MYOM3: variants seen among roughly 807,000 people sequenced by gnomAD.
The protein encoded by MYOM3 is myomesin 3.
In MYOM3, 155 loss-of-function variants were observed where a neutral mutation model predicts 191.7. That is an observed-to-expected ratio of 0.81 (90% CI 0.71 to 0.92). MYOM3 has a LOEUF of 0.92. MYOM3 is among the 40% of genes least tolerant of loss of function. The pLI is 0.00. For missense variants in MYOM3, 1,889 were observed against 1,890.6 expected, an observed-to-expected ratio of 1.00 and a Z score of 0.02; for synonymous variants, 757 against 762.9, an observed-to-expected ratio of 0.99 and a Z score of 0.13.
At position 24,057,248 on chromosome 1, in the gene MYOM3, C is replaced by A; in HGVS notation, c.*116G>T. On this transcript the variant is annotated 3_prime_UTR_variant, in exon 37 of 37. Transcript: ENST00000374434. ...CCCACCCTCACATCCTGGGTTCTAT[C>A]TTGTCCCCTTTCCTTCTGCCCCACC... is the stretch of plus-strand genomic sequence containing the variant. 9.4e-7 allele frequency: 1 copy of A among 1,063,208 alleles called. No individual in the cohort carries two copies. The highest frequency in any genetic ancestry group is 2.5e-5 in the Admixed American group (1 of 39,802). The allele number at this position is 1,063,208 out of a possible 1,614,324, so 65.9% of individuals were successfully genotyped here.
At position 24,063,205 on chromosome 1, in the gene MYOM3, C is replaced by T. The variant is rs1643393308; in HGVS notation, c.3691G>A (p.Gly1231Arg). The T allele has an allele frequency of 1.2e-6, 2 of 1,613,844 alleles. No homozygotes were observed. Among genetic ancestry groups the T allele is most frequent in the Admixed American group, 1.7e-5 (1 of 59,980 alleles). The change falls in exon 32 of 37, where the codon GGG becomes AGG. Residue 1231 changes from glycine (G) to arginine (R), a missense_variant. Transcript: ENST00000374434. The surrounding 1 kb of genome is among the most constrained non-coding windows in gnomAD (Gnocchi z 4.5). The part of the protein sequence containing the change: ...ALSATPLKIQ[G>R]TEEGIRIFSK... ...AAGATCCGGATCCCTTCCTCGGTCC[C>T]CTGGATTTTCAGTGGAGTTGCAGAG...
chr1:24,058,927 A>G lies in MYOM3; in HGVS notation c.4047T>C (p.Asp1349=). The G allele has an allele frequency of 6.2e-7, 1 of 1,609,498 alleles. No homozygotes were observed. Among genetic ancestry groups the G allele is most frequent in the Non-Finnish European group, 8.5e-7 (1 of 1,177,848 alleles). ...GTGGGCTGGGAAGGGTCAGTACCTTATCTTCCATGATAGTGGCCACATCCG... is the reference window on the plus strand; with the variant it reads ...GTGGGCTGGGAAGGGTCAGTACCTTGTCTTCCATGATAGTGGCCACATCCG... ...GLPDVATIME[D]KTLCLTCIVS... Residue 1349 remains aspartate, a synonymous_variant, in exon 36 of 37, where the codon GAT becomes GAC. Transcript: ENST00000374434.
chr1:24,092,289 G>A lies in MYOM3; in HGVS notation c.1117C>T (p.Pro373Ser), dbSNP rs1386005011. The A allele has an allele frequency of 2.9e-6, 4 of 1,361,894 alleles. No individual in the cohort carries two copies. Among genetic ancestry groups the A allele is most frequent in the Admixed American group, 2.9e-5 (1 of 34,484 alleles). The allele number at this position is 1,361,894 out of a possible 1,614,324, so 84.4% of individuals were successfully genotyped here. Residue 373 changes from proline to serine, a missense_variant, in exon 11 of 37, where the codon CCA (proline) becomes TCA (serine). Pro to Ser is a moderately conservative substitution (Grantham distance 74, BLOSUM62 -1). Transcript: ENST00000374434. ...CATCGGACGTTCAGTGGGGAGCCTGGGGCCCCGGGGTTCTCGGCCTCGGCA... is the reference window on the plus strand; with the variant it reads ...CATCGGACGTTCAGTGGGGAGCCTGAGGCCCCGGGGTTCTCGGCCTCGGCA... ...RDAEAENPGA[P>S]GSPLNVRCLD...
Position 24,074,142 on chromosome 1 carries a change from G to C in MYOM3, c.2968+18C>G, listed in dbSNP as rs779193742. ...TCTCTCTCTGGGGAGGTGGCAGGGA[G>C]CGGGGTAGGTGCATTACCTTCCTCG... On this transcript the variant is annotated intron_variant, in intron 23 of 36. Transcript: ENST00000374434. The C allele has an allele frequency of 3.2e-6, 5 of 1,584,216 alleles. No homozygotes were observed. Among genetic ancestry groups the C allele is most frequent in the African/African-American group, 2.7e-5 (2 of 74,018 alleles).
In MYOM3 at chr1:24,064,171, G is replaced by C; in HGVS notation, c.3535-12C>G. The C allele has an allele frequency of 6.2e-7, 1 of 1,608,496 alleles. No individual in the cohort carries two copies. The highest frequency in any genetic ancestry group is 1.1e-5 in the South Asian group (1 of 90,884). On this transcript the variant is annotated splice_polypyrimidine_tract_variant and intron_variant, in intron 29 of 36. Transcript: ENST00000374434. ...TCCTTTTTGGACAACTGGAAAGAAG[G>C]ATGAGCGATGGTGGTGTCAGCATGG...
At position 24,074,556 on chromosome 1, in the gene MYOM3, C is replaced by T. The variant is rs1192673359; in HGVS notation, c.2859-287G>A. 2.6e-5 allele frequency among the ~76,000 whole-genome samples: 4 copies of T among 152,324 alleles called. No individual in the cohort carries two copies. The East Asian group carries it at 7.7e-4, about 29-fold the overall frequency. ...AGGCATAGGCTTTATGCCTTCTGGACAGAGCTGAGGCCGTGAGCCGCTGGG... is the reference window on the plus strand; with the variant it reads ...AGGCATAGGCTTTATGCCTTCTGGATAGAGCTGAGGCCGTGAGCCGCTGGG... On this transcript the variant is annotated intron_variant, in intron 22 of 36. Coordinates refer to ENST00000374434, the MANE Select transcript of MYOM3 (RefSeq NM_152372.4).
rs373823143 is a variant in MYOM3 at position 24,086,656 on chromosome 1, G to A, written c.1786C>T (p.Arg596Trp). ...PSEPSEPIAL[R>W]GPPATLPPPA... ...ATCAGGAGGGTACCTGGCGGGCCCC[G>A]CAAGGCGATGGGTTCGCTGGGCTCC... Residue 596 changes from arginine (R) to tryptophan (W), a missense_variant, in exon 15 of 37, where the codon CGG (arginine) becomes TGG (tryptophan). Coordinates refer to ENST00000374434, the MANE Select transcript of MYOM3 (RefSeq NM_152372.4). 81 of 1,613,648 alleles carry A rather than the reference G, an allele frequency of 5.0e-5. No homozygotes were observed. The African/African-American group carries it at 8.4e-4, about 17-fold the overall frequency.
rs1570871830 is a variant in MYOM3 at position 24,084,202 on chromosome 1, A to G, written c.1970+266T>C. The G allele has an allele frequency of 2.6e-5, 11 of 421,636 alleles. No homozygotes were observed. The South Asian group carries it at 2.7e-4, about 10-fold the overall frequency. 26.1% of individuals were successfully genotyped at this position (421,636 alleles called of 1,614,324 possible). On this transcript the variant is annotated intron_variant, in intron 16 of 36. Coordinates refer to ENST00000374434, the MANE Select transcript of MYOM3 (RefSeq NM_152372.4). Reference sequence around the variant, plus strand: ...TTGTCAAGATAGGGAGCAAGTTCTCATGAGATCTGCTTGTTTGGAAGTGTG... The same window carrying G: ...TTGTCAAGATAGGGAGCAAGTTCTCGTGAGATCTGCTTGTTTGGAAGTGTG...
intron 22 of MYOM3, 138 bp downstream of exon 22, chr1:24,075,181 C>T (rs1346954766): frequency 6.4e-6 from 5 of 782,256 alleles, no homozygotes; most frequent in Non-Finnish European, 1.0e-5. Context: ...AGTCAGCGTC[C>T]TCAGTGAAAG....
chr1:24,065,722 T>C, intron 29 of MYOM3, 169 bp downstream of exon 29: 2 of 676,414 alleles, frequency 3.0e-6, no homozygotes. Flanking sequence ...CATACAATAT[T>C]ATTTATCTTG....
chr1:24,061,281 CTG>C lies in MYOM3; in HGVS notation c.3961_3962del (p.Gln1321GlufsTer29). On this transcript the variant is annotated frameshift_variant, in exon 34 of 37. Coordinates refer to ENST00000374434, the MANE Select transcript of MYOM3 (RefSeq NM_152372.4). LOFTEE classifies it high-confidence loss of function. ...ATGTAGAGGAAACTTACTTCAGTCT[CTG>C]GTGTTCAGCCATTGCATCCTCAAAA... ...QAFEDAMAEH[Q>X]RLKTLAIIEK... is the part of the protein sequence containing the mutation. The C allele has an allele frequency of 6.2e-7, 1 of 1,614,138 alleles. No homozygotes were observed. The highest frequency in any genetic ancestry group is 8.5e-7 in the Non-Finnish European group (1 of 1,180,028).
intron 6 of MYOM3, among the ~76,000 whole-genome samples, 184 bp from the exon 7 acceptor site, chr1:24,098,195 G>A (rs574182745): frequency 2.0e-5 from 3 of 152,110 alleles, no homozygotes; most frequent in Non-Finnish European, 2.9e-5. Flanking sequence ...TCCATGCTTC[G>A]GTGTCCTCTG....
At chr1:24,075,551 C>T (rs893027190) in intron 21 of MYOM3, 76 bp from the exon 22 acceptor site, 6 of 1,418,072 alleles carry the variant, frequency 4.2e-6, no homozygotes, top group Admixed American at 2.5e-5. Context: ...CCTGCTTAAA[C>T]CTCCAGGGCC....
chr1:24,094,871 T>C lies in MYOM3; in HGVS notation c.910A>G (p.Ile304Val), dbSNP rs1342465587. ...TCCTTACCATCTCGGAACCACTGGA[T>C]GCTCTCAGCATCTAACACATCTTCC... ...FSEDVLDAES[I>V]QWFRDGSLLR... is the part of the protein sequence containing the mutation. Residue 304 changes from isoleucine to valine, a missense_variant, in exon 9 of 37, where the codon ATC (isoleucine) becomes GTC (valine). By Grantham distance (29) the Ile-to-Val change is conservative. Coordinates refer to ENST00000374434, the MANE Select transcript of MYOM3 (RefSeq NM_152372.4). The C allele has an allele frequency of 1.9e-6, 3 of 1,613,350 alleles. No homozygotes were observed. In the African/African-American group the frequency reaches 4.0e-5, roughly 22 times the overall value.
At chr1:24,061,529 T>G (rs571573395) in intron 33 of MYOM3, among the ~76,000 whole-genome samples, 1 of 152,216 alleles carries the variant, frequency 6.6e-6, no homozygotes, top group Non-Finnish European at 1.5e-5. Context: ...TAGCTAAAAA[T>G]TTTTTAAAAA....
At chr1:24,098,930 C>T (rs1643893012) in intron 6 of MYOM3, among the ~76,000 whole-genome samples, 1 of 152,142 alleles carries the variant, frequency 6.6e-6, no homozygotes, top group South Asian at 2.1e-4. Flanking sequence ...TGTACAAGAG[C>T]CTTAACTTTC....
intron 29 of MYOM3, chr1:24,065,676 GT>G (rs1184936291): frequency 1.2e-5 from 7 of 604,778 alleles, no homozygotes; most frequent in Non-Finnish European, 1.8e-5. Flanking sequence ...GGCTTTAATA[GT>G]TTTTTTGCAT....
At position 24,082,266 on chromosome 1, in the gene MYOM3, C is replaced by T. The variant is rs910234803; in HGVS notation, c.2093-78G>A. 38 of 1,319,876 alleles carry T rather than the reference C, an allele frequency of 2.9e-5. No homozygotes were observed. The Middle Eastern group carries it at 9.2e-4, about 32-fold the overall frequency. The allele number at this position is 1,319,876 out of a possible 1,614,324, so 81.8% of individuals were successfully genotyped here. On this transcript the variant is annotated intron_variant, in intron 17 of 36. Transcript: ENST00000374434. ...GGACAGTGGGGCCTGAGGGAGCTGA[C>T]GAGCCTCCTCTAGTTGGTGCCTGCC...
At chr1:24,067,288 CTTTCTTTCTTTCT>C (rs1643450290) in intron 27 of MYOM3, among the ~76,000 whole-genome samples, 200 bp from the exon 28 acceptor site, 1 of 131,984 alleles carries the variant, frequency 7.6e-6, no homozygotes, top group African/African-American at 3.3e-5. Flanking sequence ...TCCTTCCTTT[CTTTCTTTCTTTCT>C]TTCCTTCTTT....
Sources: allele counts gnomAD v4.1 joint callset (sites outside exome capture counted in the v4.1 genomes callset), GRCh38; gene constraint gnomAD v4.1.1; non-coding constraint Gnocchi (gnomAD v3.1); transcripts MANE v1.5; gene names NCBI Gene and HGNC (gene_info 2026-07-23, HGNC 2026-07-21).